Variants in CALD1 observed in about 807,000 individuals in gnomAD.
The protein encoded by CALD1 is caldesmon.
In CALD1, 33 loss-of-function variants were observed where a neutral mutation model predicts 99.9. The ratio of observed to expected loss-of-function variants is 0.33; its 90% CI spans 0.25 to 0.44. The LOEUF (loss-of-function observed/expected upper bound fraction) is 0.44. Ranked by LOEUF, CALD1 falls within the 20% of genes least tolerant of loss-of-function variation. CALD1 has a pLI of 1.00. For missense variants in CALD1, 861 were observed against 962.1 expected (o/e 0.89, Z 1.39); for synonymous variants, 310 against 325.0 (o/e 0.95, Z 0.50).
At chr7:134,871,150 C>T (rs1414418870) in intron 3 of CALD1, among the ~76,000 whole-genome samples, 1 of 152,020 alleles carries the variant, frequency 6.6e-6, no homozygotes, top group Non-Finnish European at 1.5e-5. Flanking sequence ...TAATTTTTTT[C>T]TCGCTTTTGG....
At chr7:134,927,383 T>TAA (rs1050454527) in intron 3 of CALD1, among the ~76,000 whole-genome samples, 1 of 144,590 alleles carries the variant, frequency 6.9e-6, no homozygotes, top group Non-Finnish European at 1.5e-5. Flanking sequence ...CACCATCTCT[T>TAA]AAAAAAAAAA....
At chr7:134,749,358 GC>G (rs1796664724) in intron 1 of CALD1, among the ~76,000 whole-genome samples, 1 of 152,188 alleles carries the variant, frequency 6.6e-6, no homozygotes, top group East Asian at 1.9e-4. Context: ...GGTGGCTCAC[GC>G]CTGTAATTCC....
chr7:134,915,209 G>A (rs1489633784), intron 3 of CALD1, among the ~76,000 whole-genome samples: 2 of 152,198 alleles, frequency 1.3e-5, no homozygotes, highest in Non-Finnish European at 2.9e-5. Context: ...CCTTCATGCA[G>A]CCCCCTTGCT....
At chr7:134,756,285 A>AC (rs1202804595) in intron 1 of CALD1, among the ~76,000 whole-genome samples, 1 of 150,260 alleles carries the variant, frequency 6.7e-6, no homozygotes, top group African/African-American at 2.4e-5. Context: ...AAAAAAAAAA[A>AC]AAAAAACTAA....
At chr7:134,926,428 T>A (rs916671827) in intron 3 of CALD1, among the ~76,000 whole-genome samples, 2 of 152,228 alleles carry the variant, frequency 1.3e-5, no homozygotes, top group African/African-American at 4.8e-5. Context: ...GCCCATTTTA[T>A]AGAATTACTA....
At chr7:134,948,695 C>T (rs1321216004) in intron 8 of CALD1, among the ~76,000 whole-genome samples, 1 of 152,092 alleles carries the variant, frequency 6.6e-6, no homozygotes, top group African/African-American at 2.4e-5. Context: ...AAAAGACTTT[C>T]AATGGCATTT....
At chr7:134,957,400 T>C (rs1338390729) in intron 9 of CALD1, among the ~76,000 whole-genome samples, 1 of 149,454 alleles carries the variant, frequency 6.7e-6, no homozygotes, top group African/African-American at 2.5e-5. Flanking sequence ...TTGAAAAAAT[T>C]ATTTGTTTGT....
At chr7:134,838,918 A>T (rs1253643235) in intron 1 of CALD1, among the ~76,000 whole-genome samples, 1 of 152,174 alleles carries the variant, frequency 6.6e-6, no homozygotes, top group African/African-American at 2.4e-5. Context: ...ATGTTCTAAA[A>T]ATAATCTTTT....
intron 9 of CALD1, among the ~76,000 whole-genome samples, chr7:134,954,372 A>G (rs1807605954): frequency 6.6e-6 from 1 of 152,192 alleles, no homozygotes; most frequent in African/African-American, 2.4e-5. Flanking sequence ...TTTTATTCCA[A>G]GTTTTATCGA....
At chr7:134,809,037 C>T (rs1282316210) in intron 1 of CALD1, among the ~76,000 whole-genome samples, 1 of 152,106 alleles carries the variant, frequency 6.6e-6, no homozygotes, top group African/African-American at 2.4e-5. Flanking sequence ...GAGAGACTAT[C>T]TCATAGAATA....
At chr7:134,784,922 G>T (rs1797248745) in intron 1 of CALD1, among the ~76,000 whole-genome samples, 1 of 152,200 alleles carries the variant, frequency 6.6e-6, no homozygotes, top group Non-Finnish European at 1.5e-5. Context: ...CCAGTCCTGA[G>T]AGAGGAGATC....
At chr7:134,851,402 C>T (rs561546187) in intron 2 of CALD1, among the ~76,000 whole-genome samples, 1 of 152,262 alleles carries the variant, frequency 6.6e-6, no homozygotes, top group African/African-American at 2.4e-5. Flanking sequence ...GGTTAACCTA[C>T]CTATCCCTGT....
chr7:134,890,632 G>A (rs959012469), intron 3 of CALD1, among the ~76,000 whole-genome samples: 3 of 152,178 alleles, frequency 2.0e-5, no homozygotes, highest in African/African-American at 7.2e-5. Flanking sequence ...GTCAAGCTGA[G>A]ACGGAGTGTC....
chr7:134,779,919 C>G (rs1160029125), intron 1 of CALD1, among the ~76,000 whole-genome samples, 170 bp downstream of exon 1: 1 of 152,136 alleles, frequency 6.6e-6, no homozygotes, highest in Admixed American at 6.5e-5. Flanking sequence ...CGGATATTCC[C>G]GGAAGGCAAA....
intron 1 of CALD1, among the ~76,000 whole-genome samples, chr7:134,815,936 CT>C (rs1285559901): frequency 2.0e-5 from 3 of 152,094 alleles, no homozygotes; most frequent in African/African-American, 4.8e-5. Context: ...ATATCAATTC[CT>C]TAAGAATCTT....
intron 2 of CALD1, among the ~76,000 whole-genome samples, chr7:134,850,036 T>A (rs761412767): frequency 8.5e-5 from 13 of 152,242 alleles, no homozygotes; most frequent in Non-Finnish European, 1.8e-4. Context: ...TGATCATTTA[T>A]TTTTTTAAGG....
In CALD1 at chr7:134,950,524, T is replaced by C. The variant is rs1807254126; in HGVS notation, c.1935+10T>C. 2 of 1,611,532 alleles carry C rather than the reference T, an allele frequency of 1.2e-6. No homozygotes were observed. Among genetic ancestry groups the C allele is most frequent in the African/African-American group, 1.3e-5 (1 of 74,898 alleles). On this transcript the variant is annotated intron_variant, in intron 9 of 14. Coordinates refer to ENST00000361675, the MANE Select transcript of CALD1 (RefSeq NM_033138.4). The stretch of plus-strand genomic sequence containing the variant: ...AGGTTCATCTCTCAAGGTATTTTTT[T>C]CCCCAGAAAACTTCTATTAGAATAT...
chr7:134,848,933 TA>T (rs1428879739), intron 2 of CALD1, among the ~76,000 whole-genome samples: 9 of 152,230 alleles, frequency 5.9e-5, no homozygotes, highest in African/African-American at 2.2e-4. Flanking sequence ...TCATTCATTC[TA>T]CAGATATCAC....
intron 13 of CALD1, 27 bp from the exon 14 acceptor site, chr7:134,965,279 G>T (rs374416477): frequency 8.6e-7 from 1 of 1,168,758 alleles, no homozygotes; most frequent in East Asian, 2.3e-5. Context: ...GCCACCTATC[G>T]ATGTTTTTCT....
Sources: gnomAD v4.1 joint callset for allele counts (sites outside exome capture counted in the v4.1 genomes callset) on GRCh38, gnomAD v4.1.1 for gene constraint, MANE v1.5 for transcripts, NCBI Gene and HGNC (gene_info 2026-07-23, HGNC 2026-07-21) for gene names.